The following ZNF225 variants were observed in gnomAD, a reference collection of about 807,000 sequenced individuals.
The protein encoded by ZNF225 is zinc finger protein 225.
A neutral mutation model predicts 12.0 loss-of-function variants in ZNF225; 6 were observed. The observed-to-expected ratio is 0.50, with a 90% CI of 0.27 to 0.98. ZNF225 has a LOEUF of 0.98. Ranked by LOEUF, ZNF225 falls within the 50% of genes least tolerant of loss-of-function variation. ZNF225 has a pLI of 0.11. For missense variants in ZNF225, 763 were observed against 848.2 expected, an observed-to-expected ratio of 0.90 and a Z score of 1.25; for synonymous variants, 271 against 283.2, an observed-to-expected ratio of 0.96 and a Z score of 0.43.
At chr19:44,125,229 C>T (rs1040490412) in intron 4 of ZNF225, among the ~76,000 whole-genome samples, 6 of 152,068 alleles carry the variant, frequency 3.9e-5, no homozygotes, top group Non-Finnish European at 7.4e-5. Flanking sequence ...GTAGTGGTGG[C>T]TTGGTAGTGG....
In ZNF225 at chr19:44,131,651, G is replaced by A. The variant is rs1470105601; in HGVS notation, c.1037G>A (p.Cys346Tyr). ...CACACAGGAGAGAAACGGTACAAATGTGAGGAATGTGGAAAACGCTTCATT... is the reference window on the plus strand; with the variant it reads ...CACACAGGAGAGAAACGGTACAAATATGAGGAATGTGGAAAACGCTTCATT... The part of the protein sequence containing the change: ...MVHTGEKRYK[C>Y]EECGKRFIYR... The change falls in exon 5 of 5, where the codon TGT becomes TAT. Residue 346 changes from cysteine to tyrosine, a missense_variant. Transcript: ENST00000262894. 2.5e-6 allele frequency: 4 copies of A among 1,614,072 alleles called. No individual in the cohort carries two copies. In the African/African-American group the frequency reaches 4.0e-5, roughly 16 times the overall value.
intron 4 of ZNF225, chr19:44,129,164 G>A: frequency 1.8e-6 from 2 of 1,130,998 alleles, no homozygotes; most frequent in Non-Finnish European, 1.1e-6. Context: ...AAAAATTCTT[G>A]TACAGGAATA....
At chr19:44,119,983 C>T (rs1429441521) in intron 4 of ZNF225, among the ~76,000 whole-genome samples, 1 of 152,150 alleles carries the variant, frequency 6.6e-6, no homozygotes, top group Non-Finnish European at 1.5e-5. Context: ...CTTTCGGAGA[C>T]CAAGGTGGGT....
intron 4 of ZNF225, among the ~76,000 whole-genome samples, chr19:44,123,953 C>T (rs997363060): frequency 6.6e-5 from 10 of 151,556 alleles, no homozygotes; most frequent in African/African-American, 2.4e-4. Context: ...CTTTTTGTTT[C>T]ATTTATCTTT....
In ZNF225 at chr19:44,132,795, G is replaced by GA. The variant is rs906905252; in HGVS notation, c.*61dup. On this transcript the variant is annotated 3_prime_UTR_variant, in exon 5 of 5. Transcript: ENST00000262894. ...TTAATGCAAGTATACAATGTGTAAT[G>GA]ATCAAATCAGTGTAATTAACATACC... 3 of 1,344,174 alleles carry GA rather than the reference G, an allele frequency of 2.2e-6. No homozygotes were observed. The African/African-American group carries it at 4.4e-5, about 20-fold the overall frequency. The allele number at this position is 1,344,174 out of a possible 1,614,324, so 83.3% of individuals were successfully genotyped here.
intron 4 of ZNF225, among the ~76,000 whole-genome samples, chr19:44,119,450 C>G (rs1031202367): frequency 1.3e-5 from 2 of 152,160 alleles, no homozygotes; most frequent in South Asian, 2.1e-4. Flanking sequence ...TGAGGAGAAG[C>G]CTTTATTTTG....
chr19:44,111,755 T>C (rs1261860981), upstream of ZNF225, among the ~76,000 whole-genome samples: 1 of 152,216 alleles, frequency 6.6e-6, no homozygotes, highest in African/African-American at 2.4e-5. Context: ...GAAAGATTCA[T>C]GTTTCCCCAG....
rs750413046 is a variant in ZNF225, at chr19:44,118,594, G to T, written c.235+20G>T. On this transcript the variant is annotated intron_variant, in intron 4 of 4. Transcript: ENST00000262894. ...ATTTAGGTAAGAAGCAAGCAACTCTGTGTCCTTGTGCGTGACTCTCCCATC... is the reference window on the plus strand; with the variant it reads ...ATTTAGGTAAGAAGCAAGCAACTCTTTGTCCTTGTGCGTGACTCTCCCATC... 15 of 1,604,318 alleles carry T rather than the reference G, an allele frequency of 9.3e-6. No individual in the cohort carries two copies. The highest frequency in any genetic ancestry group is 1.3e-5 in the Non-Finnish European group (15 of 1,172,894).
At chr19:44,124,457 T>C (rs552551824) in intron 4 of ZNF225, among the ~76,000 whole-genome samples, 1 of 152,304 alleles carries the variant, frequency 6.6e-6, no homozygotes, top group South Asian at 2.1e-4. Context: ...TGGAGAAAGT[T>C]CCATATGCTG....
rs780055540 is a variant in ZNF225 at position 44,132,205 on chromosome 19, C to T, written c.1591C>T (p.Arg531Cys). 58 of 1,613,890 alleles carry T rather than the reference C, an allele frequency of 3.6e-5. No homozygotes were observed. Among genetic ancestry groups the T allele is most frequent in the South Asian group, 1.8e-4 (16 of 91,078 alleles). ...TCAGAATTCACAACTTTATTCTCAT[C>T]GCAGAGTCCACACTGGAGTAAAGCC... ...FTQNSQLYSH[R>C]RVHTGVKPYK... Residue 531 changes from arginine (R) to cysteine (C), a missense_variant, in exon 5 of 5, where the codon CGC becomes TGC. Arg to Cys is a radical substitution (Grantham distance 180). Coordinates refer to ENST00000262894, the MANE Select transcript of ZNF225 (RefSeq NM_013362.4).
chr19:44,121,771 T>A (rs1968062204), intron 4 of ZNF225, among the ~76,000 whole-genome samples: 1 of 152,230 alleles, frequency 6.6e-6, no homozygotes, highest in Admixed American at 6.5e-5. Context: ...TTAAAATATG[T>A]TTGTTGGCCA....
At position 44,130,974 on chromosome 19, in the gene ZNF225, C is replaced by T; in HGVS notation, c.360C>T (p.Asn120=). 2 of 1,614,026 alleles carry T rather than the reference C, an allele frequency of 1.2e-6. No homozygotes were observed. The highest frequency in any genetic ancestry group is 1.7e-6 in the Non-Finnish European group (2 of 1,179,944). ...CCAGGTTTCAAGACTCCATGGTAAA[C>T]AGCTTTCAGTTCTCCAAACAAGATG... is the stretch of plus-strand genomic sequence containing the variant. ...DLTRFQDSMV[N]SFQFSKQDDM... is the part of the protein sequence containing the mutation. Residue 120 remains asparagine, a synonymous_variant, in exon 5 of 5, where the codon AAC becomes AAT. Coordinates refer to ENST00000262894, the MANE Select transcript of ZNF225 (RefSeq NM_013362.4).
rs762105024 is a variant in ZNF225, at chr19:44,132,707, T to C, written c.2093T>C (p.Leu698Pro). ...AAGAGGCGCTTGAATCTTGATACGC[T>C]TTTGTCATTATTTTTAAATGACACA... is the stretch of plus-strand genomic sequence containing the variant. ...RYKRRLNLDT[L>P]LSLFLNDT is the part of the protein sequence containing the mutation. Residue 698 changes from leucine to proline, a missense_variant, in exon 5 of 5, where the codon CTT becomes CCT. Transcript: ENST00000262894. 59 of 1,603,994 alleles carry C rather than the reference T, an allele frequency of 3.7e-5. No homozygotes were observed. In the Admixed American group the frequency reaches 1.0e-3, roughly 28 times the overall value.
chr19:44,123,088 T>C (rs1968085147), intron 4 of ZNF225, among the ~76,000 whole-genome samples: 1 of 152,188 alleles, frequency 6.6e-6, no homozygotes, highest in South Asian at 2.1e-4. Context: ...TCAGAGGGAA[T>C]GCTTTCAACT....
Position 44,131,005 on chromosome 19 carries a change from C to T in ZNF225, c.391C>T (p.Pro131Ser), listed in dbSNP as rs1968240724. The change falls in exon 5 of 5, where the codon CCC becomes TCC. Residue 131 changes from proline (P) to serine (S), a missense_variant. Transcript: ENST00000262894. ...TCAGTTCTCCAAACAAGATGATATG[C>T]CCTGCCAGGTTGATGCAGGACTATC... ...SFQFSKQDDM[P>S]CQVDAGLSII... 1 of 1,614,032 alleles carries T rather than the reference C, an allele frequency of 6.2e-7. No homozygotes were observed. Among genetic ancestry groups the T allele is most frequent in the Non-Finnish European group, 8.5e-7 (1 of 1,179,926 alleles).
intron 4 of ZNF225, among the ~76,000 whole-genome samples, chr19:44,125,965 T>C (rs1412912462): frequency 6.6e-6 from 1 of 152,220 alleles, no homozygotes; most frequent in Non-Finnish European, 1.5e-5. Flanking sequence ...TGGATTTCCT[T>C]GTGCTGGGCT....
rs775988972 is a variant in ZNF225 at position 44,130,700 on chromosome 19, CAAAAAAA to C, written c.236-132_236-126del. The stretch of plus-strand genomic sequence containing the variant: ...TGGGGGACAGAGCGAGACTCCATCT[CAAAAAAA>C]AAAAAAAAAAAAAAAAAGGAAAATA... On this transcript the variant is annotated intron_variant, in intron 4 of 4. Coordinates refer to ENST00000262894, the MANE Select transcript of ZNF225 (RefSeq NM_013362.4). The C allele has an allele frequency of 1.9e-3, 331 of 169,942 alleles. 1 individual carries two copies. Among genetic ancestry groups the C allele is most frequent in the African/African-American group, 0.011 (159 of 14,958 alleles). 10.5% of individuals were successfully genotyped at this position (169,942 alleles called of 1,614,324 possible). A position where few individuals can be genotyped will look rare whatever the true frequency, so the allele number is the denominator to read the frequency against.
At chr19:44,114,709 C>T (rs562882766) in intron 1 of ZNF225, among the ~76,000 whole-genome samples, 101 of 152,330 alleles carry the variant, frequency 6.6e-4, no homozygotes, top group African/African-American at 2.2e-3. Context: ...AGGGATTTCA[C>T]CATGTTGGCC....
intron 3 of ZNF225, 44 bp from the exon 4 acceptor site, chr19:44,118,438 C>G: frequency 6.2e-7 from 1 of 1,610,742 alleles, no homozygotes; most frequent in African/African-American, 1.3e-5. Context: ...AGATTTTTTT[C>G]TAGGATATAT....
Sources: allele counts gnomAD v4.1 joint callset (sites outside exome capture counted in the v4.1 genomes callset), GRCh38; gene constraint gnomAD v4.1.1; transcripts MANE v1.5; gene names NCBI Gene and HGNC (gene_info 2026-07-23, HGNC 2026-07-21).